CAMK4: variants seen among roughly 807,000 people sequenced by gnomAD.
The protein encoded by CAMK4 is calcium/calmodulin-dependent protein kinase type IV.
CAMK4 carries 22 observed loss-of-function variants against 44.9 expected under a neutral mutation model. The ratio of observed to expected loss-of-function variants is 0.49; its 90% CI spans 0.35 to 0.70. The LOEUF is 0.70. CAMK4 is among the 30% of genes least tolerant of loss of function. The pLI, the probability that CAMK4 is intolerant of heterozygous loss-of-function variation, is 0.01. For missense variants in CAMK4, 498 were observed against 586.8 expected (o/e 0.85, Z 1.56); for synonymous variants, 218 against 215.4 (o/e 1.01, Z -0.11).
chr5:111,275,036 G>A (rs1429026071), intron 1 of CAMK4, among the ~76,000 whole-genome samples: 1 of 151,810 alleles, frequency 6.6e-6, no homozygotes, highest in Admixed American at 6.6e-5. Context: ...ATATTTGTGA[G>A]GCACAATGTA....
intron 1 of CAMK4, among the ~76,000 whole-genome samples, chr5:111,310,208 T>A (rs1368654829): frequency 6.6e-6 from 1 of 152,188 alleles, no homozygotes; most frequent in Non-Finnish European, 1.5e-5. Flanking sequence ...GTTTTATTGC[T>A]TTGTTATCTC....
At chr5:111,377,022 A>C in intron 4 of CAMK4, 80 bp downstream of exon 4, 1 of 851,434 alleles carries the variant, frequency 1.2e-6, no homozygotes, top group Admixed American at 2.3e-5. Flanking sequence ...ATTTCTCCTG[A>C]AACTTTTTAT....
chr5:111,494,505 A>C lies in CAMK4; in HGVS notation c.*10039A>C, dbSNP rs1048275606. ...CAGTATTCTTCAATGGTGGTGACTG[A>C]CCAGTGAGTTTCTACTTCTTACAGA... On this transcript the variant is annotated 3_prime_UTR_variant, in exon 11 of 11. Transcript: ENST00000282356. 1 of 152,150 alleles carries C rather than the reference A, an allele frequency of 6.6e-6. No individual in the cohort carries two copies. Among genetic ancestry groups the C allele is most frequent in the Non-Finnish European group, 1.5e-5 (1 of 68,024 alleles). 9.4% of individuals were successfully genotyped at this position (152,150 alleles called of 1,614,324 possible). A position where few individuals can be genotyped will look rare whatever the true frequency, so the allele number is the denominator to read the frequency against.
chr5:111,401,579 A>C (rs1752229582), intron 5 of CAMK4, among the ~76,000 whole-genome samples: 1 of 152,194 alleles, frequency 6.6e-6, no homozygotes, highest in Non-Finnish European at 1.5e-5. Context: ...GAAAAGATGA[A>C]ATTGCAAAAG....
At chr5:111,378,182 T>A (rs1580673736) in intron 4 of CAMK4, among the ~76,000 whole-genome samples, 2 of 152,024 alleles carry the variant, frequency 1.3e-5, no homozygotes, top group African/African-American at 4.8e-5. Flanking sequence ...GCCTTTCCCC[T>A]TTTACTATGT....
intron 1 of CAMK4, among the ~76,000 whole-genome samples, chr5:111,289,752 G>A: frequency 6.6e-6 from 1 of 152,134 alleles, no homozygotes; most frequent in East Asian, 1.9e-4. Flanking sequence ...TGCCAAAGTT[G>A]CTCATTCACC....
chr5:111,413,913 A>G (rs1285374802), intron 5 of CAMK4, among the ~76,000 whole-genome samples: 2 of 151,986 alleles, frequency 1.3e-5, no homozygotes, highest in African/African-American at 4.8e-5. Flanking sequence ...ATGTATAAAA[A>G]GTGTCATAAA....
At chr5:111,286,034 T>C (rs965553185) in intron 1 of CAMK4, among the ~76,000 whole-genome samples, 2 of 152,292 alleles carry the variant, frequency 1.3e-5, no homozygotes, top group African/African-American at 2.4e-5. Flanking sequence ...AGAGGCTGAA[T>C]TGGTATGTGA....
intron 7 of CAMK4, among the ~76,000 whole-genome samples, chr5:111,459,909 C>A (rs959611824): frequency 2.6e-5 from 4 of 151,988 alleles, no homozygotes; most frequent in Non-Finnish European, 5.9e-5. Flanking sequence ...GACCATAAAT[C>A]ATTTTTGATG....
At chr5:111,277,366 A>T (rs1394583545) in intron 1 of CAMK4, among the ~76,000 whole-genome samples, 1 of 152,254 alleles carries the variant, frequency 6.6e-6, no homozygotes, top group Non-Finnish European at 1.5e-5. Context: ...ATGTTATGTC[A>T]TAAAGCATTA....
At chr5:111,326,245 G>A (rs939703186) in intron 1 of CAMK4, among the ~76,000 whole-genome samples, 1 of 151,756 alleles carries the variant, frequency 6.6e-6, no homozygotes, top group African/African-American at 2.4e-5. Flanking sequence ...AAAAAATGAA[G>A]TCCAATATTA....
At chr5:111,234,988 T>G (rs752689714) in intron 1 of CAMK4, among the ~76,000 whole-genome samples, 3 of 152,172 alleles carry the variant, frequency 2.0e-5, no homozygotes, top group Non-Finnish European at 4.4e-5. Context: ...CTCACACATG[T>G]CTTGTTACCT....
At chr5:111,403,392 T>C (rs1308048976) in intron 5 of CAMK4, among the ~76,000 whole-genome samples, 2 of 152,222 alleles carry the variant, frequency 1.3e-5, no homozygotes, top group Admixed American at 1.3e-4. Flanking sequence ...TATCAGTTCC[T>C]ATGGTATTTT....
At chr5:111,322,423 T>C (rs1022102239) in intron 1 of CAMK4, among the ~76,000 whole-genome samples, 1 of 151,924 alleles carries the variant, frequency 6.6e-6, no homozygotes, top group African/African-American at 2.4e-5. Flanking sequence ...AGAATCAATA[T>C]CAAAATTCAA....
chr5:111,442,517 C>CATATATATATATATATATATAT (rs58032491), intron 5 of CAMK4, among the ~76,000 whole-genome samples: 1 of 142,050 alleles, frequency 7.0e-6, no homozygotes, highest in Non-Finnish European at 1.5e-5. Flanking sequence ...AAAACCAAAA[C>CATATATATATATATATATATAT]ATATATATAT....
intron 1 of CAMK4, among the ~76,000 whole-genome samples, chr5:111,293,209 C>T (rs1047514519): frequency 9.9e-5 from 15 of 152,136 alleles, no homozygotes; most frequent in African/African-American, 3.6e-4. Context: ...GGAGAAATGG[C>T]ACGTGTCATA....
At chr5:111,409,558 G>A (rs1752558788) in intron 5 of CAMK4, among the ~76,000 whole-genome samples, 1 of 152,186 alleles carries the variant, frequency 6.6e-6, no homozygotes, top group Non-Finnish European at 1.5e-5. Flanking sequence ...ACATTGTCTT[G>A]GTGATTAACA....
intron 5 of CAMK4, among the ~76,000 whole-genome samples, chr5:111,440,898 A>T (rs915191904): frequency 2.6e-5 from 4 of 152,194 alleles, no homozygotes; most frequent in African/African-American, 9.6e-5. Flanking sequence ...AATAGCAAGG[A>T]TAGAGTCCGA....
chr5:111,401,975 A>G (rs150790573), intron 5 of CAMK4, among the ~76,000 whole-genome samples: 223 of 152,344 alleles, frequency 1.5e-3, no homozygotes, highest in African/African-American at 5.0e-3. Flanking sequence ...GGTGTTGCTG[A>G]TAAGAGGCAC....
Sources: gnomAD v4.1 joint callset for allele counts (sites outside exome capture counted in the v4.1 genomes callset) on GRCh38, gnomAD v4.1.1 for gene constraint, MANE v1.5 for transcripts, NCBI Gene and HGNC (gene_info 2026-07-23, HGNC 2026-07-21) for gene names.